SPOCK3: variants seen among roughly 807,000 people sequenced by gnomAD.
SPOCK3 encodes the protein testican-3.
SPOCK3 carries 30 observed loss-of-function variants against 56.6 expected under a neutral mutation model. The observed-to-expected ratio is 0.53, with a 90% CI of 0.40 to 0.72. The LOEUF is 0.72. Among genes scored for constraint, SPOCK3 ranks in the 30% least tolerant of loss-of-function variants. The pLI, the probability that SPOCK3 is intolerant of heterozygous loss-of-function variation, is 0.00. For missense variants in SPOCK3, 527 were observed against 530.0 expected (o/e 0.99, Z 0.06); for synonymous variants, 196 against 183.3 (o/e 1.07, Z -0.56).
chr4:166,938,224 TAATACA>T (rs36203333), intron 4 of SPOCK3, among the ~76,000 whole-genome samples: 3,574 of 152,186 alleles, frequency 0.023, 161 homozygotes, highest in African/African-American at 0.081. Context: ...AGCTATAAAT[TAATACA>T]AATACAAAAG....
intron 4 of SPOCK3, among the ~76,000 whole-genome samples, chr4:166,981,032 G>T (rs1561080912): frequency 6.6e-6 from 1 of 152,178 alleles, no homozygotes; most frequent in Non-Finnish European, 1.5e-5. Context: ...ACAACTGGAG[G>T]GTGAGCAAGG....
At chr4:166,961,422 T>C (rs140441427) in intron 4 of SPOCK3, among the ~76,000 whole-genome samples, 1,631 of 152,086 alleles carry the variant, frequency 0.011, 15 homozygotes, top group Non-Finnish European at 0.018. Flanking sequence ...GATAATTTAG[T>C]GGGGGGTCAT....
chr4:167,030,190 G>A (rs1231523019), intron 3 of SPOCK3, among the ~76,000 whole-genome samples: 1 of 151,636 alleles, frequency 6.6e-6, no homozygotes, highest in Admixed American at 6.6e-5. Flanking sequence ...GCCTGAGAGA[G>A]AGAAAAGAGG....
chr4:167,001,307 T>C (rs184959706), intron 3 of SPOCK3, among the ~76,000 whole-genome samples: 2 of 152,218 alleles, frequency 1.3e-5, no homozygotes, highest in East Asian at 3.9e-4. Context: ...CAACTAGTAT[T>C]AGGCAACTAC....
At chr4:166,882,990 A>G (rs1030145238) in intron 6 of SPOCK3, 1 of 152,190 alleles carries the variant, frequency 6.6e-6, no homozygotes, top group Non-Finnish European at 1.5e-5. Flanking sequence ...TTATGAATAC[A>G]CTATATTAGT....
chr4:167,169,140 T>C (rs1730268276), intron 2 of SPOCK3, among the ~76,000 whole-genome samples: 1 of 152,168 alleles, frequency 6.6e-6, no homozygotes, highest in Admixed American at 6.5e-5. Flanking sequence ...ATGGTGAACC[T>C]CTACTAGGGC....
At chr4:166,844,230 C>G (rs1246252216) in intron 6 of SPOCK3, among the ~76,000 whole-genome samples, 1 of 152,184 alleles carries the variant, frequency 6.6e-6, no homozygotes, top group East Asian at 1.9e-4. Context: ...CTGTCATTTA[C>G]TAGTTACTCG....
intron 2 of SPOCK3, among the ~76,000 whole-genome samples, chr4:167,160,815 G>A (rs1040214259): frequency 8.5e-5 from 13 of 152,270 alleles, no homozygotes; most frequent in African/African-American, 2.9e-4. Flanking sequence ...AATAAATGGT[G>A]CTGGGCAAAC....
chr4:166,737,183 G>A (rs1734296079), intron 10 of SPOCK3, among the ~76,000 whole-genome samples: 1 of 152,140 alleles, frequency 6.6e-6, no homozygotes, highest in African/African-American at 2.4e-5. Context: ...CTTTAGCTGA[G>A]AGGAAAAGAA....
At chr4:166,990,027 C>G (rs1747603233) in intron 4 of SPOCK3, among the ~76,000 whole-genome samples, 1 of 152,126 alleles carries the variant, frequency 6.6e-6, no homozygotes, top group South Asian at 2.1e-4. Flanking sequence ...ATAAGCATTA[C>G]TTTTGTTCTG....
At chr4:167,170,167 G>A (rs150762168) in intron 2 of SPOCK3, among the ~76,000 whole-genome samples, 33 of 152,224 alleles carry the variant, frequency 2.2e-4, no homozygotes, top group Non-Finnish European at 4.1e-4. Context: ...CATTTCTTAT[G>A]TTTATGACCA....
chr4:166,977,843 C>T (rs1204566715), intron 4 of SPOCK3, among the ~76,000 whole-genome samples: 2 of 152,138 alleles, frequency 1.3e-5, no homozygotes, highest in African/African-American at 2.4e-5. Context: ...AGATGTAAAA[C>T]AGATTTGAAT....
chr4:166,968,891 T>C (rs568905905), intron 4 of SPOCK3, among the ~76,000 whole-genome samples: 2 of 152,222 alleles, frequency 1.3e-5, no homozygotes, highest in East Asian at 1.9e-4. Context: ...CATCAGCCCA[T>C]TAAAGAAGCC....
chr4:167,068,907 T>C (rs1033052984), intron 2 of SPOCK3, among the ~76,000 whole-genome samples: 1 of 151,884 alleles, frequency 6.6e-6, no homozygotes, highest in Non-Finnish European at 1.5e-5. Flanking sequence ...AAATCTGAAA[T>C]GTTGCTAGTG....
chr4:166,897,939 C>T (rs908674073), intron 5 of SPOCK3, among the ~76,000 whole-genome samples: 2 of 152,130 alleles, frequency 1.3e-5, no homozygotes, highest in Non-Finnish European at 2.9e-5. Context: ...CCTGTAATCC[C>T]AGCATTTTGG....
intron 4 of SPOCK3, among the ~76,000 whole-genome samples, chr4:166,969,415 G>A (rs1745123865): frequency 6.6e-6 from 1 of 151,586 alleles, no homozygotes; most frequent in Non-Finnish European, 1.5e-5. Flanking sequence ...CTGGTGGGAG[G>A]TGACTGGATC....
At chr4:166,946,041 ATATATT>A (rs1343365944) in intron 4 of SPOCK3, among the ~76,000 whole-genome samples, 1 of 9,412 alleles carries the variant, frequency 1.1e-4, no homozygotes, top group Non-Finnish European at 2.2e-4. Flanking sequence ...TTGTAAAAAT[ATATATT>A]TATTATTTAT....
At chr4:167,026,970 C>T (rs1751754957) in intron 3 of SPOCK3, among the ~76,000 whole-genome samples, 1 of 151,802 alleles carries the variant, frequency 6.6e-6, no homozygotes, top group Non-Finnish European at 1.5e-5. Context: ...ATCCTTACCT[C>T]CTATCATATA....
intron 8 of SPOCK3, among the ~76,000 whole-genome samples, chr4:166,750,192 C>T (rs151002271): frequency 6.6e-6 from 1 of 152,250 alleles, no homozygotes; most frequent in East Asian, 1.9e-4. Flanking sequence ...TTAGCCAGCT[C>T]TGTAAGTCTA....
Sources: allele counts gnomAD v4.1 joint callset (sites outside exome capture counted in the v4.1 genomes callset), GRCh38; gene constraint gnomAD v4.1.1; transcripts MANE v1.5; gene names NCBI Gene and HGNC (gene_info 2026-07-23, HGNC 2026-07-21).